SKP2: variants seen among roughly 807,000 people sequenced by gnomAD.
The protein encoded by SKP2 is S-phase kinase associated protein 2.
In SKP2, 16 loss-of-function variants were observed where a neutral mutation model predicts 51.8. The observed-to-expected ratio is 0.31, with a 90% CI of 0.21 to 0.47. The LOEUF (loss-of-function observed/expected upper bound fraction) is 0.47. Among genes scored for constraint, SKP2 ranks in the 20% least tolerant of loss-of-function variants. The pLI, the probability that SKP2 is intolerant of heterozygous loss-of-function variation, is 1.00. For synonymous variants in SKP2, 176 were observed against 198.6 expected, an observed-to-expected ratio of 0.89 and a Z score of 0.96; for missense variants, 377 against 505.3, an observed-to-expected ratio of 0.75 and a Z score of 2.43.
chr5:36,156,143 T>C (rs1744937994), intron 2 of SKP2, among the ~76,000 whole-genome samples: 1 of 152,220 alleles, frequency 6.6e-6, no homozygotes, highest in East Asian at 1.9e-4. Flanking sequence ...GGGAAACCAA[T>C]GTACGTGGAC....
intron 7 of SKP2, 145 bp from the exon 8 acceptor site, chr5:36,176,820 G>A (rs1745646978): frequency 2.0e-6 from 1 of 507,208 alleles, no homozygotes; most frequent in Admixed American, 3.8e-5. Context: ...GTTCCAAGAT[G>A]ATCATTTTTT....
At chr5:36,168,257 A>G in intron 4 of SKP2, 56 bp from the exon 5 acceptor site, 1 of 1,571,732 alleles carries the variant, frequency 6.4e-7, no homozygotes, top group Middle Eastern at 1.9e-4. Flanking sequence ...CTGGTTTGAA[A>G]TTGGATGTAC....
chr5:36,171,058 A>G (rs1239782192), intron 6 of SKP2, among the ~76,000 whole-genome samples: 5 of 152,320 alleles, frequency 3.3e-5, no homozygotes, highest in African/African-American at 1.2e-4. Flanking sequence ...GCGTGTTATC[A>G]GTGAGATCAA....
chr5:36,155,587 T>C (rs1357180562), intron 2 of SKP2, among the ~76,000 whole-genome samples: 2 of 152,240 alleles, frequency 1.3e-5, no homozygotes, highest in Non-Finnish European at 2.9e-5. Flanking sequence ...ACTTTTATCT[T>C]TTGTTTTTAA....
intron 2 of SKP2, among the ~76,000 whole-genome samples, chr5:36,162,088 T>A (rs1028416739): frequency 6.6e-6 from 1 of 152,246 alleles, no homozygotes; most frequent in Non-Finnish European, 1.5e-5. Context: ...CTTTCTGTTC[T>A]AAACACAGCA....
chr5:36,190,153 AC>A (rs1201197354), intron 6 of SKP2, among the ~76,000 whole-genome samples: 3 of 151,916 alleles, frequency 2.0e-5, no homozygotes, highest in Non-Finnish European at 4.4e-5. Context: ...GAATTCCCTG[AC>A]CCCTTTCACT....
At chr5:36,177,342 G>T in intron 9 of SKP2, 50 bp downstream of exon 9, 1 of 1,094,570 alleles carries the variant, frequency 9.1e-7, no homozygotes, top group East Asian at 2.4e-5. Flanking sequence ...AAACAACAGA[G>T]ATGCCCCTTG....
In SKP2 at chr5:36,171,640, A is replaced by G. The variant is rs1745478271; in HGVS notation, c.808A>G (p.Thr270Ala). 6.2e-7 allele frequency: 1 copy of G among 1,613,742 alleles called. No individual in the cohort carries two copies. The highest frequency in any genetic ancestry group is 1.3e-5 in the African/African-American group (1 of 74,990). ...ELNLSWCFDF[T>A]EKHVQVAVAH... ...GAACCTCTCCTGGTGTTTTGATTTC[A>G]CTGAAAAGCATGTACAGGTGGCTGT... The change falls in exon 7 of 10, where the codon ACT becomes GCT. Residue 270 changes from threonine (T) to alanine (A), a missense_variant. Transcript: ENST00000274255.
chr5:36,181,839 A>G lies in SKP2; in HGVS notation c.1083A>G (p.Thr361=). ...ETLLELGEIP[T]LKTLQVFGIV... ...CCAGTGAACTTGGAGAAATTCCCAC[A>G]CTAAAAACACTACAAGTTTTTGGAA... Residue 361 remains threonine, a synonymous_variant, in exon 10 of 10, where the codon ACA becomes ACG. Coordinates refer to ENST00000274255, the MANE Select transcript of SKP2 (RefSeq NM_005983.4). 6.2e-7 allele frequency: 1 copy of G among 1,613,752 alleles called. No homozygotes were observed. The highest frequency in any genetic ancestry group is 8.5e-7 in the Non-Finnish European group (1 of 1,179,648).
Position 36,152,214 on chromosome 5 carries a change from A to C in SKP2, c.-49A>C. ...CAAAGCGGGAATCTGGGAGGCGAGCAGCTCTGCAGTTAATGCACGTATTTT... is the reference window on the plus strand; with the variant it reads ...CAAAGCGGGAATCTGGGAGGCGAGCCGCTCTGCAGTTAATGCACGTATTTT... On this transcript the variant is annotated 5_prime_UTR_variant, in exon 1 of 10. Transcript: ENST00000274255. 1 of 1,609,068 alleles carries C rather than the reference A, an allele frequency of 6.2e-7. No homozygotes were observed. The highest frequency in any genetic ancestry group is 8.5e-7 in the Non-Finnish European group (1 of 1,175,630).
In SKP2 at chr5:36,152,269, A is replaced by G. The variant is rs565480737; in HGVS notation, c.7A>G (p.Arg3Gly). 1 of 1,613,832 alleles carries G rather than the reference A, an allele frequency of 6.2e-7. No homozygotes were observed. The highest frequency in any genetic ancestry group is 1.3e-5 in the African/African-American group (1 of 75,072). The part of the protein sequence containing the change: MH[R>G]KHLQEIPDLS... ...TCCCGGGCCTGCGGACGCTATGCAC[A>G]GGTAAACGGATTGCAAAAAGGGGAA... The change falls in exon 1 of 10, where the codon AGG (arginine) becomes GGG (glycine). Residue 3 changes from arginine (R) to glycine (G), a missense_variant and splice_region_variant. Around this residue, in one of 2 missense-constraint regions of SKP2, gnomAD observed 115 missense variants for 115.5 expected, o/e 1.00. Coordinates refer to ENST00000274255, the MANE Select transcript of SKP2 (RefSeq NM_005983.4).
intron 3 of SKP2, among the ~76,000 whole-genome samples, chr5:36,165,134 T>C (rs902191227): frequency 9.2e-5 from 14 of 152,230 alleles, no homozygotes; most frequent in African/African-American, 3.4e-4. Context: ...TTGTGACAGG[T>C]GCAGTGTTTG....
intron 6 of SKP2, among the ~76,000 whole-genome samples, chr5:36,189,517 G>A (rs866588997): frequency 5.9e-5 from 9 of 152,312 alleles, no homozygotes; most frequent in Middle Eastern, 3.4e-3. Flanking sequence ...TATCAGCAGC[G>A]GAGGCTGCAG....
chr5:36,168,227 C>T, intron 4 of SKP2, 86 bp from the exon 5 acceptor site: 2 of 1,288,490 alleles, frequency 1.6e-6, no homozygotes, highest in Non-Finnish European at 2.2e-6. Flanking sequence ...ATTGGCTGCT[C>T]ATTTGGGGAG....
chr5:36,179,091 C>T (rs1745724238), intron 9 of SKP2, among the ~76,000 whole-genome samples: 1 of 151,814 alleles, frequency 6.6e-6, no homozygotes, highest in Non-Finnish European at 1.5e-5. Flanking sequence ...AGTCAGACCA[C>T]TAGAATAGAG....
At chr5:36,191,905 T>C (rs200025680) in intron 6 of SKP2, among the ~76,000 whole-genome samples, 1 of 43,412 alleles carries the variant, frequency 2.3e-5, no homozygotes, top group Non-Finnish European at 4.0e-5. Context: ...TATACTAATA[T>C]TATGGATAAC....
chr5:36,188,234 A>G (rs1745974372), downstream of SKP2, among the ~76,000 whole-genome samples: 2 of 152,180 alleles, frequency 1.3e-5, no homozygotes, highest in Admixed American at 1.3e-4. Flanking sequence ...TTTACCTGTA[A>G]GGTTAATATT....
chr5:36,176,841 G>T, intron 7 of SKP2, 124 bp from the exon 8 acceptor site: 2 of 599,838 alleles, frequency 3.3e-6, no homozygotes, highest in African/African-American at 1.9e-5. Flanking sequence ...CTTTCTAATA[G>T]TGTGTGGTTC....
Position 36,182,024 on chromosome 5 carries a change from G to A in SKP2, c.1268G>A (p.Cys423Tyr), listed in dbSNP as rs773373355. ...CGACTGACACTGCAAAAGCCCAGTT[G>A]TCTATGAAGTATTTATTGCAGGATG... ...KCRLTLQKPS[C>Y]L Residue 423 changes from cysteine (C) to tyrosine (Y), a missense_variant, in exon 10 of 10, where the codon TGT (cysteine) becomes TAT (tyrosine). By Grantham distance (194) the Cys-to-Tyr change is radical. This residue lies in a region of SKP2 where 262 missense variants were observed against 389.8 expected (regional missense o/e 0.67). Transcript: ENST00000274255. 3.1e-6 allele frequency: 5 copies of A among 1,614,032 alleles called. No homozygotes were observed. The African/African-American group carries it at 4.0e-5, about 13-fold the overall frequency.
Sources: allele counts gnomAD v4.1 joint callset (sites outside exome capture counted in the v4.1 genomes callset), GRCh38; gene constraint gnomAD v4.1.1; regional missense constraint gnomAD v4.1.1; transcripts MANE v1.5; gene names NCBI Gene and HGNC (gene_info 2026-07-23, HGNC 2026-07-21).